TNFRSF1B: variants seen among roughly 807,000 people sequenced by gnomAD.
TNFRSF1B encodes the protein TNF receptor superfamily member 1B.
In TNFRSF1B, 19 loss-of-function variants were observed where a neutral mutation model predicts 44.6. The ratio of observed to expected loss-of-function variants is 0.43; its 90% CI spans 0.30 to 0.62. The LOEUF (loss-of-function observed/expected upper bound fraction) is 0.62. TNFRSF1B is among the 20% of genes least tolerant of loss of function. The probability of loss-of-function intolerance (pLI) is 0.16; values close to 1 mark genes in which losing one functional copy is unlikely to be tolerated. For missense variants in TNFRSF1B, 541 were observed against 619.9 expected, an observed-to-expected ratio of 0.87 and a Z score of 1.35; for synonymous variants, 252 against 261.1, an observed-to-expected ratio of 0.97 and a Z score of 0.34.
chr1:12,183,862 C>CCTAT (rs1228605632), intron 1 of TNFRSF1B, among the ~76,000 whole-genome samples: 5 of 147,250 alleles, frequency 3.4e-5, no homozygotes, highest in African/African-American at 1.3e-4. Flanking sequence ...TACCTACCTA[C>CCTAT]CTACCTACAT....
Position 12,192,523 on chromosome 1 carries a change from A to G in TNFRSF1B, c.550A>G (p.Ile184Val). Residue 184 changes from isoleucine to valine, a missense_variant and splice_region_variant, in exon 5 of 10, where the codon ATC becomes GTC. Transcript: ENST00000376259. ...SSTDICRPHQ[I>V]CNVVAIPGNA... ...CACGGATATTTGCAGGCCCCACCAG[A>G]TGTGAGTAGCTGAGTCCTTTGGTTC... 6.2e-7 allele frequency: 1 copy of G among 1,614,000 alleles called. No homozygotes were observed. Among genetic ancestry groups the G allele is most frequent in the South Asian group, 1.1e-5 (1 of 91,084 alleles).
rs55925819 is a variant in TNFRSF1B at position 12,206,758 on chromosome 1, A to G, written c.1124A>G (p.His375Arg). Residue 375 changes from histidine (H) to arginine (R), a missense_variant, in exon 10 of 10, where the codon CAT becomes CGT. Physicochemically the swap from His to Arg is conservative, Grantham distance 29. Transcript: ENST00000376259. ...TTAGCAGATTCTTCCCCTGGTGGCC[A>G]TGGGACCCAGGTCAATGTCACCTGC... The part of the protein sequence containing the change: ...TGSSDSSPGG[H>R]GTQVNVTCIV... 32 of 1,586,852 alleles carry G rather than the reference A, an allele frequency of 2.0e-5. No homozygotes were observed. Among genetic ancestry groups the G allele is most frequent in the Admixed American group, 3.4e-5 (2 of 58,608 alleles).
intron 1 of TNFRSF1B, among the ~76,000 whole-genome samples, chr1:12,167,838 A>C (rs1439169996): frequency 6.6e-6 from 1 of 152,240 alleles, no homozygotes; most frequent in East Asian, 1.9e-4. Flanking sequence ...CTGGGCTGGT[A>C]ATCGAGCAAG....
intron 1 of TNFRSF1B, among the ~76,000 whole-genome samples, chr1:12,184,949 C>A (rs140530451): frequency 6.6e-6 from 1 of 152,116 alleles, no homozygotes; most frequent in Non-Finnish European, 1.5e-5. Flanking sequence ...CTCAGGGATG[C>A]GATCTGAGGG....
chr1:12,176,837 C>A (rs1044069012), intron 1 of TNFRSF1B, among the ~76,000 whole-genome samples: 4 of 152,040 alleles, frequency 2.6e-5, no homozygotes, highest in Non-Finnish European at 4.4e-5. Context: ...AAGGAAGGGG[C>A]GAGAGGCTTG....
intron 8 of TNFRSF1B, among the ~76,000 whole-genome samples, chr1:12,198,456 A>G (rs1399412962): frequency 6.6e-6 from 1 of 152,048 alleles, no homozygotes; most frequent in Non-Finnish European, 1.5e-5. Flanking sequence ...TCACTACGTC[A>G]CTCACAGATA....
intron 1 of TNFRSF1B, among the ~76,000 whole-genome samples, chr1:12,182,878 G>A (rs1638842624): frequency 6.6e-6 from 1 of 152,230 alleles, no homozygotes; most frequent in African/African-American, 2.4e-5. Context: ...GGGAGGAGCT[G>A]CTGAGGTTGG....
At chr1:12,194,506 G>A (rs1639222492) in intron 7 of TNFRSF1B, 78 bp from the exon 8 acceptor site, 1 of 1,570,396 alleles carries the variant, frequency 6.4e-7, no homozygotes, top group African/African-American at 1.4e-5. Flanking sequence ...GTTCTATGGG[G>A]CCCCATACTG....
intron 9 of TNFRSF1B, 86 bp downstream of exon 9, chr1:12,202,257 C>A: frequency 6.7e-7 from 1 of 1,501,810 alleles, no homozygotes; most frequent in Admixed American, 2.1e-5. Context: ...TCCTCCTGAG[C>A]CTCCCCGCAG....
chr1:12,200,524 A>G (rs934172696), intron 8 of TNFRSF1B, among the ~76,000 whole-genome samples: 3 of 152,180 alleles, frequency 2.0e-5, no homozygotes, highest in Admixed American at 6.5e-5. Context: ...AAGCAGCTAC[A>G]TGCATAGACA....
chr1:12,183,152 CTG>C (rs1638848273), intron 1 of TNFRSF1B, among the ~76,000 whole-genome samples: 2 of 152,234 alleles, frequency 1.3e-5, no homozygotes, highest in Admixed American at 1.3e-4. Context: ...CAGGTGCTAC[CTG>C]TCTTAGAGGA....
At chr1:12,181,949 T>C (rs1638821802) in intron 1 of TNFRSF1B, among the ~76,000 whole-genome samples, 1 of 152,296 alleles carries the variant, frequency 6.6e-6, no homozygotes, top group South Asian at 2.1e-4. Context: ...GTCCTTTTGC[T>C]TAGAGCATCA....
rs890170371 is a variant in TNFRSF1B at position 12,201,830 on chromosome 1, G to T, written c.901-137G>T. The T allele has an allele frequency of 3.2e-6, 4 of 1,253,208 alleles. No homozygotes were observed. The African/African-American group carries it at 6.1e-5, about 19-fold the overall frequency. 77.6% of individuals were successfully genotyped at this position (1,253,208 alleles called of 1,614,324 possible). A position where few individuals can be genotyped will look rare whatever the true frequency, so the allele number is the denominator to read the frequency against. On this transcript the variant is annotated intron_variant, in intron 8 of 9. Coordinates refer to ENST00000376259, the MANE Select transcript of TNFRSF1B (RefSeq NM_001066.3). ...AAAGTGCCGTGTGTGGAAAGAACGT[G>T]CAAGGGTGGGCAGAAACGTCACGTA...
chr1:12,203,844 C>A (rs532777201), intron 9 of TNFRSF1B, among the ~76,000 whole-genome samples: 58 of 152,340 alleles, frequency 3.8e-4, no homozygotes, highest in African/African-American at 1.3e-3. Context: ...ATCCTCCCAC[C>A]TCAGCTTCCC....
At chr1:12,197,724 T>C (rs1639296201) in intron 8 of TNFRSF1B, among the ~76,000 whole-genome samples, 4 of 152,162 alleles carry the variant, frequency 2.6e-5, no homozygotes, top group Admixed American at 2.6e-4. Context: ...AGAGTCCTCT[T>C]GAGCTGGGCT....
rs1639551282 is a variant in TNFRSF1B, at chr1:12,208,027, A to C, written c.*1007A>C. 1 of 152,186 alleles carries C rather than the reference A, an allele frequency of 6.6e-6. No individual in the cohort carries two copies. 9.4% of individuals were successfully genotyped at this position (152,186 alleles called of 1,614,324 possible). On this transcript the variant is annotated 3_prime_UTR_variant, in exon 10 of 10. Transcript: ENST00000376259. ...CCATATTCAGTGCTGTGGCCTGGGCAAGATAACGCACTTCTAACTAGAAAT... is the reference window on the plus strand; with the variant it reads ...CCATATTCAGTGCTGTGGCCTGGGCCAGATAACGCACTTCTAACTAGAAAT...
intron 2 of TNFRSF1B, among the ~76,000 whole-genome samples, chr1:12,190,447 A>G (rs1351999030): frequency 7.8e-6 from 1 of 128,024 alleles, no homozygotes; most frequent in African/African-American, 2.9e-5. Context: ...CCACAGAGTG[A>G]GATTCTGTCT....
intron 1 of TNFRSF1B, among the ~76,000 whole-genome samples, chr1:12,181,556 T>G (rs1638807335): frequency 6.6e-6 from 1 of 152,010 alleles, no homozygotes; most frequent in Admixed American, 6.5e-5. Context: ...CTCCTGGCGG[T>G]GCACAGAGCA....
chr1:12,198,076 C>G (rs1471382436), intron 8 of TNFRSF1B, among the ~76,000 whole-genome samples: 1 of 147,396 alleles, frequency 6.8e-6, no homozygotes, highest in South Asian at 2.1e-4. Context: ...GTACTGAGAT[C>G]GCACCACTGC....
Sources: allele counts gnomAD v4.1 joint callset (sites outside exome capture counted in the v4.1 genomes callset), GRCh38; gene constraint gnomAD v4.1.1; transcripts MANE v1.5; gene names NCBI Gene and HGNC (gene_info 2026-07-23, HGNC 2026-07-21).